Variants in RBFOX1 observed in about 807,000 individuals in gnomAD.
RBFOX1 encodes the protein RNA binding protein fox-1 homolog 1.
A neutral mutation model predicts 57.7 loss-of-function variants in RBFOX1; 8 were observed. The observed-to-expected ratio is 0.14, with a 90% CI of 0.08 to 0.25. RBFOX1 has a LOEUF of 0.25. Among genes scored for constraint, RBFOX1 ranks in the 10% least tolerant of loss-of-function variants. The pLI, the probability that RBFOX1 is intolerant of heterozygous loss-of-function variation, is 1.00. For synonymous variants in RBFOX1, 326 were observed against 222.4 expected, an observed-to-expected ratio of 1.47 and a Z score of -4.15; for missense variants, 611 against 548.5, an observed-to-expected ratio of 1.11 and a Z score of -1.14.
At chr16:6,715,496 G>A (rs2064618198) in intron 3 of RBFOX1, among the ~76,000 whole-genome samples, 1 of 152,166 alleles carries the variant, frequency 6.6e-6, no homozygotes, top group Admixed American at 6.5e-5. Context: ...TAATCTATAA[G>A]GAGCTTTGTG....
At chr16:5,926,994 G>C (rs1054961129) in intron 4 of RBFOX1, among the ~76,000 whole-genome samples, 1 of 152,128 alleles carries the variant, frequency 6.6e-6, no homozygotes, top group Non-Finnish European at 1.5e-5. Context: ...TCAAACCAGT[G>C]TCCCAAAATG....
At chr16:6,012,025 C>A (rs1035759328) in intron 4 of RBFOX1, among the ~76,000 whole-genome samples, 3 of 152,250 alleles carry the variant, frequency 2.0e-5, no homozygotes, top group African/African-American at 7.2e-5. Context: ...TCACCACTCA[C>A]TTCCACAGAG....
At chr16:6,527,724 C>T (rs1334651621) in intron 2 of RBFOX1, among the ~76,000 whole-genome samples, 5 of 152,064 alleles carry the variant, frequency 3.3e-5, no homozygotes, top group Admixed American at 3.3e-4. Flanking sequence ...AGCCTGAAAT[C>T]GTTGACCCTA....
At chr16:6,711,048 G>T (rs1488148259) in intron 3 of RBFOX1, among the ~76,000 whole-genome samples, 1 of 152,182 alleles carries the variant, frequency 6.6e-6, no homozygotes, top group Non-Finnish European at 1.5e-5. Flanking sequence ...AAAGGTTGTG[G>T]TAAGGATTGC....
chr16:7,053,065 C>T (rs2050660165), intron 4 of RBFOX1, among the ~76,000 whole-genome samples: 1 of 152,214 alleles, frequency 6.6e-6, no homozygotes, highest in Admixed American at 6.5e-5. Flanking sequence ...CTAATGCCTT[C>T]ATACACTGCC....
At chr16:6,636,058 A>C (rs1402432930) in intron 2 of RBFOX1, among the ~76,000 whole-genome samples, 2 of 152,100 alleles carry the variant, frequency 1.3e-5, no homozygotes, top group African/African-American at 2.4e-5. Flanking sequence ...AACAGTTTTG[A>C]GTGTATTTTG....
At chr16:7,105,489 T>A (rs982674578) in intron 4 of RBFOX1, among the ~76,000 whole-genome samples, 2 of 152,084 alleles carry the variant, frequency 1.3e-5, no homozygotes, top group Non-Finnish European at 2.9e-5. Flanking sequence ...CTTCCACCCT[T>A]TCCCCTGAGT....
At chr16:5,851,893 C>T (rs1217451609) in intron 3 of RBFOX1, among the ~76,000 whole-genome samples, 1 of 152,068 alleles carries the variant, frequency 6.6e-6, no homozygotes, top group Non-Finnish European at 1.5e-5. Flanking sequence ...AGTTTCTGAA[C>T]CCTACAACAT....
intron 3 of RBFOX1, among the ~76,000 whole-genome samples, chr16:7,017,228 A>G (rs1488030556): frequency 1.3e-5 from 2 of 152,192 alleles, no homozygotes; most frequent in Admixed American, 6.5e-5. Flanking sequence ...AATGGGAGCT[A>G]TCTAAACAAA....
chr16:7,502,347 G>T (rs2071216242), intron 4 of RBFOX1, among the ~76,000 whole-genome samples: 1 of 152,162 alleles, frequency 6.6e-6, no homozygotes, highest in African/African-American at 2.4e-5. Flanking sequence ...CATTGTGGGA[G>T]GTCTCTGGTT....
chr16:7,580,292 C>G (rs1367198529), intron 6 of RBFOX1, among the ~76,000 whole-genome samples: 2 of 152,150 alleles, frequency 1.3e-5, no homozygotes, highest in Non-Finnish European at 2.9e-5. Flanking sequence ...GTTTTGCTTT[C>G]TTTTACAGTT....
At chr16:7,447,098 C>T (rs988928508) in intron 4 of RBFOX1, among the ~76,000 whole-genome samples, 1 of 151,984 alleles carries the variant, frequency 6.6e-6, no homozygotes, top group Admixed American at 6.6e-5. Context: ...AGGCGTGAGC[C>T]ACTGTCCTCG....
intron 4 of RBFOX1, among the ~76,000 whole-genome samples, chr16:7,175,415 C>T (rs1379655382): frequency 6.6e-6 from 1 of 152,110 alleles, no homozygotes; most frequent in Non-Finnish European, 1.5e-5. Context: ...AAGGCATGGG[C>T]AGGGGCCTGA....
At chr16:7,309,520 G>T (rs896575193) in intron 4 of RBFOX1, among the ~76,000 whole-genome samples, 1 of 152,110 alleles carries the variant, frequency 6.6e-6, no homozygotes, top group Non-Finnish European at 1.5e-5. Context: ...GCCTTTGCCC[G>T]GCTGGAGAAA....
At position 6,444,631 on chromosome 16, in the gene RBFOX1, A is replaced by G. The variant is rs1052262479; in HGVS notation, c.-64+127574A>G. 5.3e-5 allele frequency among the ~76,000 whole-genome samples: 8 copies of G among 150,474 alleles called. 1 individual carries two copies. The highest frequency in any genetic ancestry group is 2.1e-4 in the South Asian group (1 of 4,780). On this transcript the variant is annotated intron_variant, in intron 2 of 15. Coordinates refer to ENST00000550418, the MANE Select transcript of RBFOX1 (RefSeq NM_018723.4). ...CCATGTGGAACTGTAAGTCCATTAA[A>G]CCTTTTTTTTTTCCTAGTCTTGGGT...
chr16:5,643,400 G>A (rs1357941771), intron 3 of RBFOX1, among the ~76,000 whole-genome samples: 3 of 152,088 alleles, frequency 2.0e-5, no homozygotes, highest in East Asian at 3.9e-4. Context: ...ATGCTTCATT[G>A]TGGGTGGACT....
chr16:7,334,561 A>G (rs2096751509), intron 4 of RBFOX1, among the ~76,000 whole-genome samples: 1 of 152,196 alleles, frequency 6.6e-6, no homozygotes, highest in Non-Finnish European at 1.5e-5. Flanking sequence ...GAAAGTTCTC[A>G]TAAGTTCCTG....
At chr16:5,664,792 A>G (rs986808070) in intron 3 of RBFOX1, among the ~76,000 whole-genome samples, 1 of 152,108 alleles carries the variant, frequency 6.6e-6, no homozygotes, top group Non-Finnish European at 1.5e-5. Flanking sequence ...TGGAGAGGTA[A>G]TGCTGCTCCT....
chr16:6,946,222 A>G lies in RBFOX1; in HGVS notation c.-15-105835A>G, dbSNP rs1036241716. Among the ~76,000 whole-genome samples, 3 of 152,226 alleles carry G rather than the reference A, an allele frequency of 2.0e-5. No individual in the cohort carries two copies. The South Asian group carries it at 6.2e-4, about 32-fold the overall frequency. ...GAATATTTTAGGATTTGGGTGCCAT[A>G]TGGTTTCTGTGATAACTGCTCCACT... is the stretch of plus-strand genomic sequence containing the variant. On this transcript the variant is annotated intron_variant, in intron 3 of 15. Transcript: ENST00000550418.
Sources: gnomAD v4.1 joint callset for allele counts (sites outside exome capture counted in the v4.1 genomes callset) on GRCh38, gnomAD v4.1.1 for gene constraint, MANE v1.5 for transcripts, NCBI Gene and HGNC (gene_info 2026-07-23, HGNC 2026-07-21) for gene names.